Variants in CNIH3 observed in about 807,000 individuals in gnomAD.
CNIH3 encodes protein cornichon homolog 3.
Under a neutral mutation model 24.1 loss-of-function variants are expected in CNIH3, and 14 were observed. The ratio of observed to expected loss-of-function variants is 0.58; its 90% CI spans 0.38 to 0.91. The LOEUF is 0.91. Among genes scored for constraint, CNIH3 ranks in the 40% least tolerant of loss-of-function variants. The pLI, the probability that CNIH3 is intolerant of heterozygous loss-of-function variation, is 0.00. For missense variants in CNIH3, 178 were observed against 196.8 expected (o/e 0.90, Z 0.57); for synonymous variants, 68 against 73.8 (o/e 0.92, Z 0.40).
chr1:224,541,952 G>A (rs994045792), downstream of CNIH3, among the ~76,000 whole-genome samples: 1 of 152,118 alleles, frequency 6.6e-6, no homozygotes, highest in Non-Finnish European at 1.5e-5. Flanking sequence ...CTGCTGTTTA[G>A]ATAATACTTT....
chr1:224,716,382 A>G (rs887972008), intron 3 of CNIH3, among the ~76,000 whole-genome samples: 3 of 152,222 alleles, frequency 2.0e-5, no homozygotes, highest in Non-Finnish European at 4.4e-5. Context: ...GCAGGCAAGG[A>G]TGGTGTCTTA....
intron 3 of CNIH3, among the ~76,000 whole-genome samples, chr1:224,709,411 T>C (rs115876843): frequency 9.9e-4 from 151 of 152,304 alleles, no homozygotes; most frequent in African/African-American, 3.6e-3. Flanking sequence ...TTTGAATCAA[T>C]TGAGAACAGA....
At chr1:224,552,293 A>C (rs1679953616) in intron 3 of CNIH3, among the ~76,000 whole-genome samples, 1 of 151,134 alleles carries the variant, frequency 6.6e-6, no homozygotes, top group Non-Finnish European at 1.5e-5. Flanking sequence ...CAGGCCATAC[A>C]CCCTCTGTGA....
intron 1 of CNIH3, among the ~76,000 whole-genome samples, chr1:224,675,971 T>G (rs1467693248): frequency 3.3e-5 from 5 of 152,232 alleles, no homozygotes; most frequent in Non-Finnish European, 7.3e-5. Flanking sequence ...ACTTACCACA[T>G]GGACCAGCAA....
At chr1:224,563,901 C>G (rs1680476502) in intron 3 of CNIH3, among the ~76,000 whole-genome samples, 1 of 152,184 alleles carries the variant, frequency 6.6e-6, no homozygotes, top group South Asian at 2.1e-4. Flanking sequence ...GCCATCTGGT[C>G]CCTCCAGATC....
chr1:224,705,447 TGTTTA>T (rs1687730793), intron 3 of CNIH3, among the ~76,000 whole-genome samples: 2 of 152,104 alleles, frequency 1.3e-5, no homozygotes, highest in South Asian at 4.2e-4. Context: ...TCCACAGTGG[TGTTTA>T]GTTTTAGTTA....
At chr1:224,539,962 C>T (rs528662250), downstream of CNIH3, among the ~76,000 whole-genome samples, 9 of 152,216 alleles carry the variant, frequency 5.9e-5, no homozygotes, top group South Asian at 2.1e-4. Flanking sequence ...TTTCTGTATT[C>T]GTGTAACATT....
Position 224,684,911 on chromosome 1 carries a change from G to A in CNIH3, c.198+68G>A, listed in dbSNP as rs1686581303. The stretch of plus-strand genomic sequence containing the variant: ...TGGTGGGTGGGCACACAGTGAAAGA[G>A]GCTAGTGAGGCTCTGCCTGCTCCAG... On this transcript the variant is annotated intron_variant, in intron 3 of 5. Transcript: ENST00000272133. This position sits in a 1 kb window ranked among gnomAD's most constrained non-coding sequence, Gnocchi z 4.2. 1 of 1,436,336 alleles carries A rather than the reference G, an allele frequency of 7.0e-7. No individual in the cohort carries two copies. The highest frequency in any genetic ancestry group is 9.8e-7 in the Non-Finnish European group (1 of 1,017,980). 89.0% of individuals were successfully genotyped at this position (1,436,336 alleles called of 1,614,324 possible). A position where few individuals can be genotyped will look rare whatever the true frequency, so the allele number is the denominator to read the frequency against.
chr1:224,484,347 A>G (rs1676944387), intron 1 of CNIH3, among the ~76,000 whole-genome samples: 1 of 151,088 alleles, frequency 6.6e-6, no homozygotes, highest in Admixed American at 6.6e-5. Context: ...GGAGAATGGC[A>G]CGAACCTGGG....
chr1:224,579,668 A>C (rs949198042), intron 4 of CNIH3, among the ~76,000 whole-genome samples: 4 of 152,166 alleles, frequency 2.6e-5, no homozygotes, highest in Non-Finnish European at 5.9e-5. Flanking sequence ...TTCCTCAGGA[A>C]GGGATTGGTG....
chr1:224,598,708 T>C (rs935793210), intron 3 of CNIH3, among the ~76,000 whole-genome samples: 2 of 152,234 alleles, frequency 1.3e-5, no homozygotes, highest in African/African-American at 4.8e-5. Flanking sequence ...AGCAAAAAGA[T>C]TAAGACTTGC....
chr1:224,721,080 TC>T (rs1688698611), intron 3 of CNIH3, among the ~76,000 whole-genome samples: 2 of 152,282 alleles, frequency 1.3e-5, no homozygotes, highest in Non-Finnish European at 2.9e-5. Context: ...CGTCGAGTGC[TC>T]CCGTGCTGCC....
chr1:224,558,626 C>T (rs1680238038), intron 3 of CNIH3, among the ~76,000 whole-genome samples: 1 of 152,226 alleles, frequency 6.6e-6, no homozygotes, highest in Non-Finnish European at 1.5e-5. Context: ...AAACTGCTCC[C>T]ACCACTCCTC....
intron 1 of CNIH3, among the ~76,000 whole-genome samples, chr1:224,645,754 A>G (rs886488431): frequency 6.6e-6 from 1 of 152,128 alleles, no homozygotes. Flanking sequence ...AGTCATTTCC[A>G]CCACTCCCTA....
chr1:224,624,939 C>T (rs966547707), intron 1 of CNIH3, among the ~76,000 whole-genome samples: 5 of 152,200 alleles, frequency 3.3e-5, no homozygotes, highest in African/African-American at 1.2e-4. Context: ...GGCTCTGCTG[C>T]AGCCTTTGTC....
intron 3 of CNIH3, among the ~76,000 whole-genome samples, chr1:224,711,786 C>A (rs536334958): frequency 8.7e-6 from 1 of 115,510 alleles, no homozygotes; most frequent in Non-Finnish European, 1.7e-5. Context: ...CAGAGCCAGA[C>A]CCTGTCTCAA....
chr1:224,611,134 G>A (rs1208724326), intron 3 of CNIH3, among the ~76,000 whole-genome samples: 1 of 152,170 alleles, frequency 6.6e-6, no homozygotes, highest in East Asian at 1.9e-4. Context: ...TGGCCAATGA[G>A]ATGTAGCAGA....
upstream of CNIH3, among the ~76,000 whole-genome samples, chr1:224,515,107 T>G (rs1678326795): frequency 6.6e-6 from 1 of 152,212 alleles, no homozygotes; most frequent in African/African-American, 2.4e-5. Context: ...AGTGCCCACT[T>G]TTAATGTTTT....
intron 3 of CNIH3, among the ~76,000 whole-genome samples, chr1:224,557,895 G>A (rs565182774): frequency 6.6e-6 from 1 of 152,298 alleles, no homozygotes; most frequent in East Asian, 1.9e-4. Flanking sequence ...CCTTACCACA[G>A]TCATCTGTAG....
Sources: allele counts gnomAD v4.1 joint callset (sites outside exome capture counted in the v4.1 genomes callset), GRCh38; gene constraint gnomAD v4.1.1; non-coding constraint Gnocchi (gnomAD v3.1); transcripts MANE v1.5; gene names NCBI Gene and HGNC (gene_info 2026-07-23, HGNC 2026-07-21).